GRSF1: variants seen among roughly 807,000 people sequenced by gnomAD.
GRSF1 encodes G-rich RNA sequence binding factor 1.
GRSF1 carries 50 observed loss-of-function variants against 51.1 expected under a neutral mutation model. The ratio of observed to expected loss-of-function variants is 0.98; its 90% CI spans 0.78 to 1.24. The LOEUF (loss-of-function observed/expected upper bound fraction) is 1.24, where lower values mean the gene tolerates loss of function less well. GRSF1 is among the 50% of genes most tolerant of loss of function. GRSF1 has a pLI of 0.00. For synonymous variants in GRSF1, 293 were observed against 253.3 expected, an observed-to-expected ratio of 1.16 and a Z score of -1.49; for missense variants, 700 against 639.7, an observed-to-expected ratio of 1.09 and a Z score of -1.02.
chr4:70,835,094 A>C (rs1734143660), intron 2 of GRSF1, among the ~76,000 whole-genome samples: 4 of 152,032 alleles, frequency 2.6e-5, no homozygotes, highest in Admixed American at 2.6e-4. Context: ...GGTCTCCAGC[A>C]CCACCCACAT....
chr4:70,832,211 A>G, intron 4 of GRSF1, 96 bp downstream of exon 4: 2 of 910,280 alleles, frequency 2.2e-6, no homozygotes, highest in Non-Finnish European at 3.3e-6. Context: ...ATATAACTGC[A>G]TGCCTTTGCC....
In GRSF1 at chr4:70,816,957, G is replaced by C. The variant is rs1362899796; in HGVS notation, c.*3930C>G. 1 of 152,118 alleles carries C rather than the reference G, an allele frequency of 6.6e-6. No homozygotes were observed. Among genetic ancestry groups the C allele is most frequent in the East Asian group, 1.9e-4 (1 of 5,200 alleles). The allele number at this position is 152,118 out of a possible 1,614,324, so 9.4% of individuals were successfully genotyped here. ...AATGATCTTTAGGGTGTTTAGGTGG[G>C]AGAAAAGCCAAAATACAAAATAGCA... is the stretch of plus-strand genomic sequence containing the variant. On this transcript the variant is annotated 3_prime_UTR_variant, in exon 10 of 10. Transcript: ENST00000254799.
intron 3 of GRSF1, 71 bp downstream of exon 3, chr4:70,833,047 A>G (rs910553326): frequency 7.4e-7 from 1 of 1,355,112 alleles, no homozygotes; most frequent in Non-Finnish European, 1.0e-6. Context: ...TAAGGATCAA[A>G]TAAAAACTAC....
At chr4:70,830,032 G>A (rs73827032) in intron 5 of GRSF1, among the ~76,000 whole-genome samples, 4,065 of 152,288 alleles carry the variant, frequency 0.027, 76 homozygotes, top group Middle Eastern at 0.051. Flanking sequence ...CTGAGGTGAT[G>A]TCAACATGAG....
chr4:70,823,944 A>G (rs1417485383), intron 9 of GRSF1, among the ~76,000 whole-genome samples: 1 of 150,818 alleles, frequency 6.6e-6, no homozygotes, highest in Non-Finnish European at 1.5e-5. Context: ...TAGTTTATCA[A>G]TAGCAAATAA....
At chr4:70,829,827 C>T (rs1168416000) in intron 5 of GRSF1, among the ~76,000 whole-genome samples, 1 of 152,012 alleles carries the variant, frequency 6.6e-6, no homozygotes, top group Non-Finnish European at 1.5e-5. Flanking sequence ...AACCTTTGAA[C>T]CACTTCTATC....
At chr4:70,839,931 T>A, upstream of GRSF1, 4 of 847,938 alleles carry the variant, frequency 4.7e-6, no homozygotes, top group South Asian at 2.0e-5. Flanking sequence ...GCCTGGCACA[T>A]GCGCCGCGGG....
At chr4:70,822,578 CAT>C (rs1181930094) in intron 9 of GRSF1, among the ~76,000 whole-genome samples, 19 of 72,008 alleles carry the variant, frequency 2.6e-4, no homozygotes, top group African/African-American at 1.3e-3. Flanking sequence ...AGTGAGATTT[CAT>C]ATCAAAAAAA....
upstream of GRSF1, chr4:70,839,977 TGGA>T: frequency 1.6e-6 from 1 of 635,114 alleles, no homozygotes; most frequent in Non-Finnish European, 2.5e-6. Flanking sequence ...CGGAAGGAGG[TGGA>T]GGAGAGCGCG....
chr4:70,833,063 A>G (rs1307401889), intron 3 of GRSF1, 55 bp downstream of exon 3: 24 of 1,487,992 alleles, frequency 1.6e-5, no homozygotes, highest in East Asian at 1.1e-4. Flanking sequence ...ACTACCTTGA[A>G]AAGTATAAAA....
intron 5 of GRSF1, among the ~76,000 whole-genome samples, chr4:70,830,279 C>T (rs187372745): frequency 3.3e-5 from 5 of 152,126 alleles, no homozygotes; most frequent in African/African-American, 4.8e-5. Context: ...CACGCACGCA[C>T]GCACACACAC....
chr4:70,839,758 G>T lies in GRSF1; in HGVS notation c.70C>A (p.Arg24Ser). ...AAGGGCAGGCAGGCGGCGCCGGTGCGCCGGCAGCTGCTGCAGTTACAGCCG... is the reference window on the plus strand; with the variant it reads ...AAGGGCAGGCAGGCGGCGCCGGTGCTCCGGCAGCTGCTGCAGTTACAGCCG... ...GCGCNCSSCR[R>S]TGAACLPFYS... The change falls in exon 1 of 10, where the codon CGC (arginine) becomes AGC (serine). Residue 24 changes from arginine (R) to serine (S), a missense_variant. Arg to Ser is a moderately radical substitution (Grantham distance 110). Transcript: ENST00000254799. The T allele has an allele frequency of 6.7e-7, 1 of 1,503,702 alleles. No individual in the cohort carries two copies. Among genetic ancestry groups the T allele is most frequent in the Non-Finnish European group, 8.8e-7 (1 of 1,133,614 alleles). 93.1% of individuals were successfully genotyped at this position (1,503,702 alleles called of 1,614,324 possible).
chr4:70,833,221 A>G lies in GRSF1; in HGVS notation c.567T>C (p.Asp189=). ...ENGIHFLLNR[D]GKRRGDALIE... ...TTAAGGCATCACCCCTTCGTTTCCC[A>G]TCTCTGTTTAGGAGAAAATGTATTC... The change falls in exon 3 of 10, where the codon GAT becomes GAC. Residue 189 remains aspartate (D), a synonymous_variant. Coordinates refer to ENST00000254799, the MANE Select transcript of GRSF1 (RefSeq NM_002092.4). 6.2e-7 allele frequency: 1 copy of G among 1,613,840 alleles called. No homozygotes were observed.
upstream of GRSF1, among the ~76,000 whole-genome samples, chr4:70,840,191 C>A (rs1174965990): frequency 1.4e-5 from 2 of 138,316 alleles, no homozygotes; most frequent in East Asian, 2.2e-4. Context: ...TTGGGCGGGG[C>A]TGCCCATGGT....
At chr4:70,825,078 G>GCAACAGA (rs1733680698) in intron 8 of GRSF1, among the ~76,000 whole-genome samples, 1 of 151,348 alleles carries the variant, frequency 6.6e-6, no homozygotes, top group African/African-American at 2.4e-5. Context: ...CTCCAGCGTG[G>GCAACAGA]GTGACAAAAA....
intron 5 of GRSF1, 134 bp downstream of exon 5, chr4:70,831,405 G>T: frequency 1.5e-6 from 1 of 668,592 alleles, no homozygotes; most frequent in East Asian, 3.1e-5. Flanking sequence ...TCTAAATTAT[G>T]GGCATTTGAT....
intron 6 of GRSF1, among the ~76,000 whole-genome samples, chr4:70,827,144 C>T (rs1327334907): frequency 1.3e-5 from 2 of 151,714 alleles, no homozygotes; most frequent in African/African-American, 2.4e-5. Flanking sequence ...AAAAATTAGC[C>T]GGGCACGGTG....
rs1337299033 is a variant in GRSF1 at position 70,823,096 on chromosome 4, C to CA, written c.*25+1197dup. ...TGCTCAACAAAGCAAGACTCTGTCT[C>CA]AAAAAAAATAAAAAGTAGGCCGGAC... On this transcript the variant is annotated intron_variant, in intron 9 of 9. Coordinates refer to ENST00000254799, the MANE Select transcript of GRSF1 (RefSeq NM_002092.4). Among the ~76,000 whole-genome samples the CA allele has an allele frequency of 6.0e-5, 9 of 150,378 alleles. No individual in the cohort carries two copies. The South Asian group carries it at 1.5e-3, about 25-fold the overall frequency.
rs1416461034 is a variant in GRSF1 at position 70,839,853 on chromosome 4, G to C, written c.-26C>G. On this transcript the variant is annotated 5_prime_UTR_variant, in exon 1 of 10. Transcript: ENST00000254799. ...GGACTCCGGAGGCGGCGCAGGGCCT[G>C]AAGGCAGCTGCTCCAGCAGCGATGG... 1.4e-6 allele frequency: 2 copies of C among 1,461,720 alleles called. No homozygotes were observed. The highest frequency in any genetic ancestry group is 9.0e-7 in the Non-Finnish European group (1 of 1,115,846). The allele number at this position is 1,461,720 out of a possible 1,614,324, so 90.5% of individuals were successfully genotyped here.
Sources: allele counts gnomAD v4.1 joint callset (sites outside exome capture counted in the v4.1 genomes callset), GRCh38; gene constraint gnomAD v4.1.1; transcripts MANE v1.5; gene names NCBI Gene and HGNC (gene_info 2026-07-23, HGNC 2026-07-21).